The following FSTL1 variants were observed in gnomAD, a reference collection of about 807,000 sequenced individuals.
FSTL1 encodes the protein follistatin like 1, also known as follistatin-related protein 1.
Under a neutral mutation model 45.9 loss-of-function variants are expected in FSTL1, and 24 were observed. The observed-to-expected ratio is 0.52, with a 90% CI of 0.38 to 0.74. The LOEUF (loss-of-function observed/expected upper bound fraction) is 0.74. Among genes scored for constraint, FSTL1 ranks in the 30% least tolerant of loss-of-function variants. The probability of loss-of-function intolerance (pLI) is 0.00; values close to 1 mark genes in which losing one functional copy is unlikely to be tolerated. For synonymous variants in FSTL1, 120 were observed against 137.6 expected (o/e 0.87, Z 0.89); for missense variants, 340 against 381.8 (o/e 0.89, Z 0.91).
chr3:120,424,507 T>C (rs1937341273), intron 2 of FSTL1, among the ~76,000 whole-genome samples: 1 of 152,164 alleles, frequency 6.6e-6, no homozygotes, highest in South Asian at 2.1e-4. Context: ...ATGGAAAATC[T>C]ATAGGTTTTT....
intron 2 of FSTL1, among the ~76,000 whole-genome samples, chr3:120,431,937 A>C (rs1412296000): frequency 6.6e-6 from 1 of 152,194 alleles, no homozygotes; most frequent in Non-Finnish European, 1.5e-5. Context: ...GGCTGTTTTC[A>C]ATGCCTGTGG....
In FSTL1 at chr3:120,412,304, G is replaced by A. The variant is rs541817467; in HGVS notation, c.169-321C>T. On this transcript the variant is annotated intron_variant, in intron 3 of 10. Transcript: ENST00000295633. ...TTGATACTTAATCCACAATGCAAAAGTATTAAGAGGTGAGGCCTTTAGGAG... is the reference window on the plus strand; with the variant it reads ...TTGATACTTAATCCACAATGCAAAAATATTAAGAGGTGAGGCCTTTAGGAG... Among the ~76,000 whole-genome samples the A allele has an allele frequency of 2.0e-5, 3 of 152,368 alleles. No homozygotes were observed. The East Asian group carries it at 5.8e-4, about 29-fold the overall frequency.
chr3:120,416,033 A>G lies in FSTL1; in HGVS notation c.64-6T>C. The stretch of plus-strand genomic sequence containing the variant: ...GATTTGCTCCTTAGCTCTTCCTAAA[A>G]CATACAATCATAAAGGAAACCGTGT... On this transcript the variant is annotated splice_region_variant and splice_polypyrimidine_tract_variant and intron_variant, in intron 2 of 10. Coordinates refer to ENST00000295633, the MANE Select transcript of FSTL1 (RefSeq NM_007085.5). The G allele has an allele frequency of 6.3e-7, 1 of 1,588,792 alleles. No individual in the cohort carries two copies. The highest frequency in any genetic ancestry group is 8.6e-7 in the Non-Finnish European group (1 of 1,157,014).
intron 2 of FSTL1, among the ~76,000 whole-genome samples, chr3:120,442,297 G>C (rs558882900): frequency 2.6e-5 from 4 of 152,190 alleles, no homozygotes; most frequent in Admixed American, 1.3e-4. Context: ...AGCTGGACAA[G>C]GCCAGAATTC....
chr3:120,411,786 G>C, intron 4 of FSTL1, 68 bp downstream of exon 4: 4 of 1,418,918 alleles, frequency 2.8e-6, no homozygotes, highest in Non-Finnish European at 3.0e-6. Flanking sequence ...GGTCAGCCAG[G>C]CCACACTGCT....
At chr3:120,440,562 C>T (rs1436059081) in intron 2 of FSTL1, among the ~76,000 whole-genome samples, 1 of 152,238 alleles carries the variant, frequency 6.6e-6, no homozygotes, top group South Asian at 2.1e-4. Flanking sequence ...GCCTGTGTTC[C>T]TGTCTGCCTC....
At chr3:120,418,619 T>C (rs1325976099) in intron 2 of FSTL1, among the ~76,000 whole-genome samples, 1 of 152,196 alleles carries the variant, frequency 6.6e-6, no homozygotes, top group Non-Finnish European at 1.5e-5. Flanking sequence ...GTGAGTTGCA[T>C]AATTAGCAAG....
At chr3:120,405,775 C>G (rs139394511) in intron 6 of FSTL1, among the ~76,000 whole-genome samples, 14 of 152,334 alleles carry the variant, frequency 9.2e-5, no homozygotes, top group South Asian at 2.1e-4. Flanking sequence ...GAGACCTCAG[C>G]CATCTGGGAC....
intron 2 of FSTL1, among the ~76,000 whole-genome samples, chr3:120,439,204 A>G (rs1032872678): frequency 5.9e-5 from 9 of 152,164 alleles, no homozygotes; most frequent in African/African-American, 2.2e-4. Flanking sequence ...AACCTCTGAC[A>G]GGCTCCAGGC....
intron 3 of FSTL1, among the ~76,000 whole-genome samples, chr3:120,413,313 G>T (rs563253931): frequency 6.6e-6 from 1 of 152,310 alleles, no homozygotes; most frequent in East Asian, 1.9e-4. Context: ...ATTATGGAGT[G>T]CTCACTATGT....
chr3:120,411,210 G>C (rs1278781079), intron 4 of FSTL1: 1 of 453,670 alleles, frequency 2.2e-6, no homozygotes. Flanking sequence ...TACCCTTCTG[G>C]CCTCATACCT....
chr3:120,443,403 A>G (rs1937667017), intron 2 of FSTL1, among the ~76,000 whole-genome samples: 1 of 149,896 alleles, frequency 6.7e-6, no homozygotes, highest in South Asian at 2.1e-4. Context: ...TCCTAATAGT[A>G]GCTTATGTGC....
intron 9 of FSTL1, among the ~76,000 whole-genome samples, chr3:120,400,858 A>G (rs1485103312): frequency 1.3e-5 from 2 of 152,328 alleles, no homozygotes; most frequent in African/African-American, 4.8e-5. Context: ...CCCCTGGGGC[A>G]CCACCATCTA....
chr3:120,408,867 T>C (rs763171998), intron 6 of FSTL1, among the ~76,000 whole-genome samples: 6 of 152,192 alleles, frequency 3.9e-5, no homozygotes, highest in Non-Finnish European at 7.3e-5. Context: ...CCTTAATTGC[T>C]TCTTCTAACT....
At chr3:120,398,234 A>G (rs1289970588) in intron 10 of FSTL1, among the ~76,000 whole-genome samples, 1 of 152,174 alleles carries the variant, frequency 6.6e-6, no homozygotes, top group Admixed American at 6.5e-5. Context: ...TGGTATATGA[A>G]TCATATCTCA....
intron 3 of FSTL1, among the ~76,000 whole-genome samples, chr3:120,412,922 C>T (rs979084071): frequency 6.0e-5 from 9 of 151,104 alleles, no homozygotes; most frequent in African/African-American, 1.7e-4. Flanking sequence ...GCTGTATATA[C>T]TATTGGGGGA....
At chr3:120,410,873 G>T in intron 5 of FSTL1, 79 bp downstream of exon 5, 1 of 1,103,488 alleles carries the variant, frequency 9.1e-7, no homozygotes, top group South Asian at 1.2e-5. Flanking sequence ...AGCTTGGCAG[G>T]GATTGTGGAA....
chr3:120,443,212 A>G (rs2107672571), intron 2 of FSTL1, among the ~76,000 whole-genome samples: 1 of 149,646 alleles, frequency 6.7e-6, no homozygotes, highest in South Asian at 2.1e-4. Context: ...AAATTCTGAG[A>G]AGGCAGGGGC....
At chr3:120,397,699 T>C (rs989216699) in intron 10 of FSTL1, among the ~76,000 whole-genome samples, 7 of 152,208 alleles carry the variant, frequency 4.6e-5, no homozygotes, top group Non-Finnish European at 1.0e-4. Context: ...AGTTTGGCCA[T>C]TTCTCCAAAG....
Sources: gnomAD v4.1 joint callset for allele counts (sites outside exome capture counted in the v4.1 genomes callset) on GRCh38, gnomAD v4.1.1 for gene constraint, MANE v1.5 for transcripts, NCBI Gene and HGNC (gene_info 2026-07-23, HGNC 2026-07-21) for gene names.